Variants in KCNN2 observed in about 807,000 individuals in gnomAD.
KCNN2 encodes the protein small conductance calcium-activated potassium channel protein 2.
Under a neutral mutation model 55.5 loss-of-function variants are expected in KCNN2, and 24 were observed. The observed-to-expected ratio is 0.43, with a 90% CI of 0.31 to 0.61. The LOEUF (loss-of-function observed/expected upper bound fraction) is 0.61. Among genes scored for constraint, KCNN2 ranks in the 20% least tolerant of loss-of-function variants. The pLI is 0.08. For synonymous variants in KCNN2, 431 were observed against 336.1 expected (o/e 1.28, Z -3.09); for missense variants, 754 against 853.6 (o/e 0.88, Z 1.45).
chr5:114,445,080 A>C (rs1211580739), intron 3 of KCNN2, among the ~76,000 whole-genome samples: 2 of 152,128 alleles, frequency 1.3e-5, no homozygotes, highest in Non-Finnish European at 2.9e-5. Context: ...ATGTGCTTGC[A>C]TGTATATGTG....
At chr5:114,228,184 A>T (rs967995448) in intron 2 of KCNN2, among the ~76,000 whole-genome samples, 1 of 152,134 alleles carries the variant, frequency 6.6e-6, no homozygotes, top group Non-Finnish European at 1.5e-5. Context: ...TGTCATTTCA[A>T]TTATTAGAAT....
intron 2 of KCNN2, among the ~76,000 whole-genome samples, chr5:114,342,747 T>C (rs994091856): frequency 3.3e-5 from 5 of 152,216 alleles, no homozygotes; most frequent in African/African-American, 1.2e-4. Context: ...GTTTTCTTGA[T>C]CACTTAGGAT....
chr5:114,272,422 T>TGTACGTACATATCATATACACACAC (rs1755368206), intron 2 of KCNN2, among the ~76,000 whole-genome samples: 2 of 27,582 alleles, frequency 7.3e-5, no homozygotes, highest in African/African-American at 1.0e-4. Context: ...TCTACACACA[T>TGTACGTACATATCATATACACACAC]ATGTACGTAC....
intron 2 of KCNN2, among the ~76,000 whole-genome samples, chr5:114,330,283 A>G (rs1756792029): frequency 6.6e-6 from 1 of 152,186 alleles, no homozygotes. Flanking sequence ...ATCTGTCCTC[A>G]GGTACTTCCT....
At chr5:114,491,533 G>GAA (rs1289351712) in intron 6 of KCNN2, among the ~76,000 whole-genome samples, 1 of 91,744 alleles carries the variant, frequency 1.1e-5, no homozygotes, top group African/African-American at 4.2e-5. Context: ...TTTAAAAAAA[G>GAA]AAAAAAAAAA....
At chr5:114,297,799 A>G (rs1486081534) in intron 2 of KCNN2, among the ~76,000 whole-genome samples, 2 of 152,192 alleles carry the variant, frequency 1.3e-5, no homozygotes, top group African/African-American at 2.4e-5. Context: ...CATGAAAAAT[A>G]TTCAAGAAAT....
rs539701892 is a variant in KCNN2 at position 114,441,080 on chromosome 5, C to A, written c.1638-21969C>A. On this transcript the variant is annotated intron_variant, in intron 3 of 7. Transcript: ENST00000673685. Reference sequence around the variant, plus strand: ...ATAAAGATAGTGTTAAAAGCAAAAACTAGTAGGAATAAAAAAAGATCACTA... The same window carrying A: ...ATAAAGATAGTGTTAAAAGCAAAAAATAGTAGGAATAAAAAAAGATCACTA... Among the ~76,000 whole-genome samples the A allele has an allele frequency of 3.9e-5, 6 of 152,052 alleles. No homozygotes were observed. The South Asian group carries it at 1.2e-3, about 32-fold the overall frequency.
chr5:114,126,101 A>G (rs567929001), intron 1 of KCNN2, among the ~76,000 whole-genome samples: 1 of 152,228 alleles, frequency 6.6e-6, no homozygotes, highest in African/African-American at 2.4e-5. Context: ...GTCTCTTCAC[A>G]TCATTTTCCA....
chr5:114,348,697 T>G (rs746722063), intron 2 of KCNN2, among the ~76,000 whole-genome samples: 1 of 152,160 alleles, frequency 6.6e-6, no homozygotes, highest in Non-Finnish European at 1.5e-5. Flanking sequence ...GGATAGAGAC[T>G]GACAAGAAAA....
chr5:114,295,079 A>T (rs574674327), intron 2 of KCNN2, among the ~76,000 whole-genome samples: 2 of 152,140 alleles, frequency 1.3e-5, no homozygotes, highest in South Asian at 4.1e-4. Flanking sequence ...GTCTCAGAGG[A>T]GTACCTGGCC....
At chr5:114,315,715 T>A (rs1259051548) in intron 2 of KCNN2, among the ~76,000 whole-genome samples, 1 of 152,122 alleles carries the variant, frequency 6.6e-6, no homozygotes, top group Non-Finnish European at 1.5e-5. Context: ...TTTTGCTTAT[T>A]GAAATGATGT....
chr5:114,268,359 A>G (rs1316589172), intron 2 of KCNN2, among the ~76,000 whole-genome samples: 4 of 152,230 alleles, frequency 2.6e-5, no homozygotes, highest in Non-Finnish European at 5.9e-5. Context: ...CGCCATTTCC[A>G]TGATTATCAA....
intron 1 of KCNN2, among the ~76,000 whole-genome samples, chr5:114,138,974 G>A (rs1752222035): frequency 6.6e-6 from 1 of 152,062 alleles, no homozygotes; most frequent in African/African-American, 2.4e-5. Flanking sequence ...TAAAATAAAA[G>A]GAAATAAATA....
chr5:114,404,367 T>C (rs1298256875), intron 2 of KCNN2, 71 bp from the exon 3 acceptor site: 5 of 1,282,782 alleles, frequency 3.9e-6, no homozygotes, highest in Non-Finnish European at 5.4e-6. Flanking sequence ...TTGTGTGTTT[T>C]TAAAATCTGC....
At chr5:114,473,879 C>T (rs1761859697) in intron 5 of KCNN2, among the ~76,000 whole-genome samples, 1 of 152,106 alleles carries the variant, frequency 6.6e-6, no homozygotes. Flanking sequence ...AGGTAACTTG[C>T]TCAAAGTCAC....
intron 5 of KCNN2, among the ~76,000 whole-genome samples, chr5:114,485,619 T>C (rs531847478): frequency 6.6e-6 from 1 of 152,290 alleles, no homozygotes; most frequent in African/African-American, 2.4e-5. Context: ...GTGTTACTTA[T>C]ACGCAGTGCT....
At chr5:114,164,991 G>T (rs545999278) in intron 1 of KCNN2, among the ~76,000 whole-genome samples, 13 of 152,220 alleles carry the variant, frequency 8.5e-5, no homozygotes, top group Non-Finnish European at 1.5e-4. Flanking sequence ...CAGATGAGAC[G>T]AGTAAGGCAC....
intron 1 of KCNN2, among the ~76,000 whole-genome samples, chr5:114,202,300 C>T (rs572719673): frequency 4.6e-5 from 7 of 152,002 alleles, no homozygotes; most frequent in East Asian, 1.9e-4. Context: ...CTCTCACAGC[C>T]GAGATCATTA....
chr5:114,158,143 C>G (rs1239648776), intron 1 of KCNN2, among the ~76,000 whole-genome samples: 2 of 151,860 alleles, frequency 1.3e-5, no homozygotes, highest in Admixed American at 6.6e-5. Context: ...TTAGGTCTAA[C>G]ATGTAAGTCT....
Sources: allele counts gnomAD v4.1 joint callset (sites outside exome capture counted in the v4.1 genomes callset), GRCh38; gene constraint gnomAD v4.1.1; transcripts MANE v1.5; gene names NCBI Gene and HGNC (gene_info 2026-07-23, HGNC 2026-07-21).